Variants in LAMA2 observed in about 807,000 individuals in gnomAD.
LAMA2 encodes the protein laminin subunit alpha 2.
Under a neutral mutation model 364.8 loss-of-function variants are expected in LAMA2, and 269 were observed. The observed-to-expected ratio is 0.74, with a 90% CI of 0.67 to 0.82. The LOEUF (loss-of-function observed/expected upper bound fraction) is 0.82. Among genes scored for constraint, LAMA2 ranks in the 40% least tolerant of loss-of-function variants. The pLI, the probability that LAMA2 is intolerant of heterozygous loss-of-function variation, is 0.00. For missense variants in LAMA2, 3,807 were observed against 3,873.2 expected (o/e 0.98, Z 0.45); for synonymous variants, 1,379 against 1,370.6 (o/e 1.01, Z -0.14).
intron 41 of LAMA2, among the ~76,000 whole-genome samples, chr6:129,432,667 T>C (rs1746625525): frequency 6.6e-6 from 1 of 152,192 alleles, no homozygotes; most frequent in Admixed American, 6.5e-5. Flanking sequence ...ACTATTTGTC[T>C]TATTTAAAGG....
rs751194203 is a variant in LAMA2 at position 129,516,338 on chromosome 6, A to G, written c.9360A>G (p.Pro3120=). The G allele has an allele frequency of 6.2e-7, 1 of 1,614,066 alleles. No individual in the cohort carries two copies. The highest frequency in any genetic ancestry group is 2.2e-5 in the East Asian group (1 of 44,834). ...ELRGVQPVSC[P]AN is the part of the protein sequence containing the mutation. The stretch of plus-strand genomic sequence containing the variant: ...GGGGCGTTCAACCTGTATCATGCCC[A>G]GCCAACTAATAAAAATAAGTGTAAC... Residue 3120 remains proline (P), a synonymous_variant, in exon 65 of 65, where the codon CCA becomes CCG. Transcript: ENST00000421865.
rs768538467 is a variant in LAMA2, at chr6:129,165,576, G to C, written c.1207G>C (p.Val403Leu). ...AAATTCATTTTAATATTTTTGTTAG[G>C]TATCTCCAAATTATCCAAGGCCATG... ...CTDGFFRPKGVSPNYPRPCQP... is the reference protein window; with the variant it reads ...CTDGFFRPKGLSPNYPRPCQP... The change falls in exon 9 of 65, where the codon GTA (valine) becomes CTA (leucine). Residue 403 changes from valine to leucine, a missense_variant and splice_region_variant. This residue lies in a region of LAMA2 where 80 missense variants were observed against 124.0 expected (regional missense o/e 0.65). Coordinates refer to ENST00000421865, the MANE Select transcript of LAMA2 (RefSeq NM_000426.4). 3.1e-6 allele frequency: 5 copies of C among 1,598,258 alleles called. No homozygotes were observed. Among genetic ancestry groups the C allele is most frequent in the Non-Finnish European group, 4.3e-6 (5 of 1,166,620 alleles).
At chr6:129,170,703 A>G (rs1351919490) in intron 9 of LAMA2, among the ~76,000 whole-genome samples, 1 of 152,088 alleles carries the variant, frequency 6.6e-6, no homozygotes, top group African/African-American at 2.4e-5. Context: ...GCTGTGTTCA[A>G]TTCCTGGGTA....
chr6:129,286,216 C>T (rs930210419), intron 18 of LAMA2, among the ~76,000 whole-genome samples: 15 of 152,018 alleles, frequency 9.9e-5, no homozygotes, highest in Non-Finnish European at 1.6e-4. Context: ...TTTTGATCCC[C>T]TTCAATTTTG....
chr6:128,961,979 A>G (rs756430774), intron 1 of LAMA2, among the ~76,000 whole-genome samples: 12 of 150,972 alleles, frequency 7.9e-5, no homozygotes, highest in Non-Finnish European at 1.8e-4. Context: ...GGGGATCAGC[A>G]GCTCAAATAA....
At chr6:129,332,946 G>C (rs1282971974) in intron 29 of LAMA2, among the ~76,000 whole-genome samples, 5 of 137,792 alleles carry the variant, frequency 3.6e-5, no homozygotes, top group African/African-American at 1.4e-4. Flanking sequence ...AGGCTAGAGG[G>C]CAGTGGTGCT....
At chr6:128,949,734 C>G (rs936461617) in intron 1 of LAMA2, among the ~76,000 whole-genome samples, 3 of 152,054 alleles carry the variant, frequency 2.0e-5, no homozygotes, top group African/African-American at 7.2e-5. Context: ...GTTTTTATTT[C>G]ACAAGTCTTT....
At chr6:129,370,125 C>G (rs1777990110) in intron 34 of LAMA2, 135 bp downstream of exon 34, 1 of 745,286 alleles carries the variant, frequency 1.3e-6, no homozygotes, top group Admixed American at 2.1e-5. Context: ...TGTATTCTGA[C>G]TTGCTAATTC....
At chr6:129,309,388 C>T (rs1052533599) in intron 22 of LAMA2, among the ~76,000 whole-genome samples, 1 of 152,132 alleles carries the variant, frequency 6.6e-6, no homozygotes, top group Non-Finnish European at 1.5e-5. Context: ...AATAAACTTC[C>T]TGATTTGGAA....
rs529242758 is a variant in LAMA2, at chr6:129,258,705, T to C, written c.2097-2006T>C. Among the ~76,000 whole-genome samples the C allele has an allele frequency of 3.3e-5, 5 of 152,204 alleles. No individual in the cohort carries two copies. The South Asian group carries it at 1.0e-3, about 32-fold the overall frequency. ...TACCCCAAATGTCAAAGTTCCTCTC[T>C]ATGTACAACTTGAAATGCTTAATTT... is the stretch of plus-strand genomic sequence containing the variant. On this transcript the variant is annotated intron_variant, in intron 14 of 64. Coordinates refer to ENST00000421865, the MANE Select transcript of LAMA2 (RefSeq NM_000426.4).
chr6:129,501,735 T>C (rs1242297274), intron 58 of LAMA2, among the ~76,000 whole-genome samples: 1 of 152,168 alleles, frequency 6.6e-6, no homozygotes, highest in East Asian at 1.9e-4. Flanking sequence ...GTACTGCATG[T>C]TCTAAGAGAT....
At chr6:129,299,449 A>G (rs1438127944) in intron 21 of LAMA2, among the ~76,000 whole-genome samples, 2 of 152,214 alleles carry the variant, frequency 1.3e-5, no homozygotes, top group East Asian at 3.9e-4. Flanking sequence ...AGTTTTATTA[A>G]TTGTGTTATA....
At chr6:129,062,664 T>G (rs551445314) in intron 3 of LAMA2, among the ~76,000 whole-genome samples, 1 of 152,294 alleles carries the variant, frequency 6.6e-6, no homozygotes, top group South Asian at 2.1e-4. Flanking sequence ...GATGAGCTAT[T>G]ATCCAACTGG....
Position 129,251,056 on chromosome 6 carries a change from CTCTCTCTCTCTCTCTCTCTCTATATA to C in LAMA2, c.1884+845_1884+870del, listed in dbSNP as rs1453761157. Among the ~76,000 whole-genome samples, 8 of 74,856 alleles carry C rather than the reference CTCTCTCTCTCTCTCTCTCTCTATATA, an allele frequency of 1.1e-4. No individual in the cohort carries two copies. The East Asian group carries it at 1.9e-3, about 17-fold the overall frequency. The allele number at this position is 74,856 out of a possible 152,430, so 49.1% of individuals were successfully genotyped here. ...TCTCTCTCTTTCTCTCTCTCTCTCT[CTCTCTCTCTCTCTCTCTCTCTATATA>C]TATATATATATATATATATATATGG... On this transcript the variant is annotated intron_variant, in intron 13 of 64. Transcript: ENST00000421865.
intron 58 of LAMA2, among the ~76,000 whole-genome samples, chr6:129,499,719 A>T (rs1267420602): frequency 6.6e-6 from 1 of 151,846 alleles, no homozygotes; most frequent in Non-Finnish European, 1.5e-5. Flanking sequence ...TGAACACATC[A>T]TGTTTTTTTT....
intron 12 of LAMA2, among the ~76,000 whole-genome samples, chr6:129,200,367 CGT>C (rs1782185640): frequency 3.3e-5 from 4 of 120,814 alleles, no homozygotes; most frequent in Non-Finnish European, 7.6e-5. Flanking sequence ...TACATATACA[CGT>C]GTATGTGTAC....
At chr6:128,908,368 G>A (rs536335480) in intron 1 of LAMA2, among the ~76,000 whole-genome samples, 1 of 151,806 alleles carries the variant, frequency 6.6e-6, no homozygotes, top group African/African-American at 2.4e-5. Flanking sequence ...TCTTGGGAGA[G>A]TGTATGTGTC....
intron 9 of LAMA2, among the ~76,000 whole-genome samples, chr6:129,171,661 G>C (rs1433775985): frequency 7.0e-5 from 10 of 143,002 alleles, no homozygotes; most frequent in Non-Finnish European, 1.2e-4. Context: ...TCTTGGAGTT[G>C]CTCTTCTCGA....
At chr6:129,051,951 T>C (rs1788076633) in intron 2 of LAMA2, among the ~76,000 whole-genome samples, 1 of 150,424 alleles carries the variant, frequency 6.6e-6, no homozygotes. Flanking sequence ...CGGGGAGAAT[T>C]AGAGAGATAA....
Sources: gnomAD v4.1 joint callset for allele counts (sites outside exome capture counted in the v4.1 genomes callset) on GRCh38, gnomAD v4.1.1 for gene constraint, gnomAD v4.1.1 regional missense constraint, MANE v1.5 for transcripts, NCBI Gene and HGNC (gene_info 2026-07-23, HGNC 2026-07-21) for gene names.